The following GFRAL variants were observed in gnomAD, a reference collection of about 807,000 sequenced individuals.
GFRAL encodes GDNF family receptor alpha-like.
GFRAL carries 36 observed loss-of-function variants against 45.4 expected under a neutral mutation model. That is an observed-to-expected ratio of 0.79 (90% confidence interval 0.61 to 1.05). The LOEUF is 1.05. Ranked by LOEUF, GFRAL falls within the 50% of genes least tolerant of loss-of-function variation. The probability of loss-of-function intolerance (pLI) is 0.00; values close to 1 mark genes in which losing one functional copy is unlikely to be tolerated. For missense variants in GFRAL, 507 were observed against 467.5 expected (o/e 1.08, Z -0.78); for synonymous variants, 166 against 154.1 (o/e 1.08, Z -0.57).
intron 6 of GFRAL, among the ~76,000 whole-genome samples, chr6:55,383,960 C>T (rs983971693): frequency 7.2e-5 from 11 of 152,128 alleles, no homozygotes; most frequent in African/African-American, 2.6e-4. Flanking sequence ...ACTGTTAACT[C>T]CATAAGGAGA....
At chr6:55,331,893 T>C in intron 2 of GFRAL, 44 bp downstream of exon 2, 1 of 1,549,338 alleles carries the variant, frequency 6.5e-7, no homozygotes, top group South Asian at 1.2e-5. Context: ...TTATTTTTAC[T>C]AAGATAAAAA....
intron 6 of GFRAL, among the ~76,000 whole-genome samples, chr6:55,369,230 T>A (rs1257721320): frequency 1.3e-5 from 2 of 152,160 alleles, no homozygotes; most frequent in Non-Finnish European, 2.9e-5. Flanking sequence ...CACCCCTTTC[T>A]TTGACTCAGA....
chr6:55,339,377 A>G (rs544367300), intron 3 of GFRAL, among the ~76,000 whole-genome samples: 1 of 152,142 alleles, frequency 6.6e-6, no homozygotes, highest in Non-Finnish European at 1.5e-5. Context: ...CTAAAAATGT[A>G]AAGGAGCATG....
intron 1 of GFRAL, among the ~76,000 whole-genome samples, chr6:55,331,436 G>A (rs769407045): frequency 6.6e-6 from 1 of 152,028 alleles, no homozygotes; most frequent in Non-Finnish European, 1.5e-5. Context: ...TTTTTTAAGA[G>A]CAGTTTTAAT....
At chr6:55,358,536 G>A (rs1232114044) in intron 5 of GFRAL, among the ~76,000 whole-genome samples, 4 of 151,902 alleles carry the variant, frequency 2.6e-5, no homozygotes, top group Admixed American at 6.6e-5. Context: ...CCAAAGGCTA[G>A]CCACAAAACT....
chr6:55,350,055 G>A (rs1234173001), intron 3 of GFRAL, 37 bp from the exon 4 acceptor site: 1 of 1,252,030 alleles, frequency 8.0e-7, no homozygotes, highest in Non-Finnish European at 1.2e-6. Context: ...TCAGAAAATT[G>A]TTCAATAATG....
chr6:55,367,093 A>T (rs1768375063), intron 6 of GFRAL, among the ~76,000 whole-genome samples: 1 of 84,532 alleles, frequency 1.2e-5, no homozygotes, highest in Non-Finnish European at 2.3e-5. Flanking sequence ...TTTGTAGGTC[A>T]CTCAGGACTT....
intron 2 of GFRAL, among the ~76,000 whole-genome samples, chr6:55,332,330 T>A (rs1034136830): frequency 6.6e-6 from 1 of 152,196 alleles, no homozygotes; most frequent in Non-Finnish European, 1.5e-5. Flanking sequence ...TAGTTTTGTT[T>A]TTAACTTGGC....
At chr6:55,338,856 C>A (rs529052838) in intron 3 of GFRAL, among the ~76,000 whole-genome samples, 2 of 152,238 alleles carry the variant, frequency 1.3e-5, no homozygotes, top group South Asian at 4.1e-4. Context: ...ACTTACATAT[C>A]TTTCTAAAGA....
intron 6 of GFRAL, among the ~76,000 whole-genome samples, chr6:55,367,937 G>A (rs894231424): frequency 8.1e-5 from 12 of 147,642 alleles, no homozygotes; most frequent in South Asian, 6.5e-4. Context: ...TGCTCTTCTC[G>A]AGGAGTATCT....
intron 6 of GFRAL, among the ~76,000 whole-genome samples, chr6:55,383,715 C>T (rs1307887858): frequency 6.6e-6 from 1 of 151,936 alleles, no homozygotes; most frequent in East Asian, 1.9e-4. Context: ...TACATACCTT[C>T]CTGCCGTCTA....
chr6:55,378,120 T>C (rs1281467496), intron 6 of GFRAL, among the ~76,000 whole-genome samples: 1 of 152,052 alleles, frequency 6.6e-6, no homozygotes, highest in Non-Finnish European at 1.5e-5. Flanking sequence ...GCATGAGTGC[T>C]GAGTGGGTCC....
intron 6 of GFRAL, among the ~76,000 whole-genome samples, chr6:55,380,711 T>G (rs1768597144): frequency 6.6e-6 from 1 of 151,912 alleles, no homozygotes; most frequent in South Asian, 2.1e-4. Context: ...GTGGCCTGCT[T>G]CACTCCAGTG....
At chr6:55,381,325 C>G (rs1377827065) in intron 6 of GFRAL, among the ~76,000 whole-genome samples, 1 of 151,848 alleles carries the variant, frequency 6.6e-6, no homozygotes, top group Non-Finnish European at 1.5e-5. Flanking sequence ...CTGTTTCTAC[C>G]ATTTCATTTC....
intron 6 of GFRAL, among the ~76,000 whole-genome samples, chr6:55,392,934 GA>G (rs1331582127): frequency 6.6e-6 from 1 of 151,916 alleles, no homozygotes; most frequent in African/African-American, 2.4e-5. Flanking sequence ...AAAAAGGAAA[GA>G]AAAATTTGCT....
chr6:55,333,536 A>T (rs1470709719), intron 2 of GFRAL, among the ~76,000 whole-genome samples: 1 of 152,178 alleles, frequency 6.6e-6, no homozygotes, highest in East Asian at 1.9e-4. Context: ...GCAAGAAATG[A>T]TATTCTAAGT....
intron 6 of GFRAL, among the ~76,000 whole-genome samples, chr6:55,381,527 A>T (rs1027238445): frequency 6.6e-6 from 1 of 151,934 alleles, no homozygotes; most frequent in Non-Finnish European, 1.5e-5. Context: ...TAAAAATAAC[A>T]TTCCATTAGC....
chr6:55,343,416 C>T (rs958435978), intron 3 of GFRAL, among the ~76,000 whole-genome samples: 5 of 152,068 alleles, frequency 3.3e-5, no homozygotes, highest in Non-Finnish European at 5.9e-5. Flanking sequence ...ACAACCTGCT[C>T]GTGAATGACT....
chr6:55,370,596 G>A (rs1202307496), intron 6 of GFRAL, among the ~76,000 whole-genome samples: 1 of 152,174 alleles, frequency 6.6e-6, no homozygotes, highest in Non-Finnish European at 1.5e-5. Context: ...ACACATGCAA[G>A]ATAATTCTCT....
Sources: allele counts gnomAD v4.1 joint callset (sites outside exome capture counted in the v4.1 genomes callset), GRCh38; gene constraint gnomAD v4.1.1; transcripts MANE v1.5; gene names NCBI Gene and HGNC (gene_info 2026-07-23, HGNC 2026-07-21).